NKX3-2: variants seen among roughly 807,000 people sequenced by gnomAD.
The protein encoded by NKX3-2 is homeobox protein Nkx-3.2.
In NKX3-2, 13 loss-of-function variants were observed where a neutral mutation model predicts 19.4. The ratio of observed to expected loss-of-function variants is 0.67; its 90% CI spans 0.44 to 1.07. The LOEUF (loss-of-function observed/expected upper bound fraction) is 1.07. Among genes scored for constraint, NKX3-2 ranks in the 50% least tolerant of loss-of-function variants. The pLI is 0.00. For synonymous variants in NKX3-2, 269 were observed against 230.5 expected (o/e 1.17, Z -1.51); for missense variants, 562 against 488.2 (o/e 1.15, Z -1.42).
rs760235144 is a variant in NKX3-2 at position 13,544,083 on chromosome 4, C to G, written c.332G>C (p.Arg111Pro). 2 of 1,583,274 alleles carry G rather than the reference C, an allele frequency of 1.3e-6. No homozygotes were observed. Among genetic ancestry groups the G allele is most frequent in the East Asian group, 2.3e-5 (1 of 43,000 alleles). The change falls in exon 1 of 2, where the codon CGG (arginine) becomes CCG (proline). Residue 111 changes from arginine (R) to proline (P), a missense_variant. Transcript: ENST00000382438. The stretch of plus-strand genomic sequence containing the variant: ...CGCAAGGCCGGCCCCGCTGGCCCCC[C>G]GCGCGTCCGCGCAGCGCCGCCTGCT... Reference protein sequence around the residue: ...NESRRRCADARGASGAGLAGG... With the variant: ...NESRRRCADAPGASGAGLAGG...
rs528913823 is a variant in NKX3-2 at position 13,544,099 on chromosome 4, G to T, written c.316C>A (p.Arg106Ser). The T allele has an allele frequency of 6.3e-6, 10 of 1,592,464 alleles. No individual in the cohort carries two copies. The East Asian group carries it at 2.1e-4, about 33-fold the overall frequency. ...CTGGCCCCCCGCGCGTCCGCGCAGC[G>T]CCGCCTGCTCTCGTTCTCCTCGCTG... ...ALSEENESRRRCADARGASGA... is the reference protein window; with the variant it reads ...ALSEENESRRSCADARGASGA... The change falls in exon 1 of 2, where the codon CGC becomes AGC. Residue 106 changes from arginine to serine, a missense_variant. By Grantham distance (110) the Arg-to-Ser change is moderately radical. Transcript: ENST00000382438.
At chr4:13,544,940 G>T (rs1424969719), upstream of NKX3-2, 1 of 152,174 alleles carries the variant, frequency 6.6e-6, no homozygotes, top group African/African-American at 2.4e-5. Context: ...AGCCGCGGCC[G>T]CGGCCGCTGG....
upstream of NKX3-2, chr4:13,544,760 C>T: frequency 5.8e-6 from 1 of 171,640 alleles, no homozygotes; most frequent in Non-Finnish European, 1.2e-5. Flanking sequence ...TTGGCGGGGG[C>T]CCCTCCGTGG....
At position 13,543,986 on chromosome 4, in the gene NKX3-2, C is replaced by T. The variant is rs10032202; in HGVS notation, c.429G>A (p.Ala143=). ...CGGACATCTCGCTGTCGCTCCGGCCCGCGGCTTCCTCCTCTAGGTCTTTGG... is the reference window on the plus strand; with the variant it reads ...CGGACATCTCGCTGTCGCTCCGGCCTGCGGCTTCCTCCTCTAGGTCTTTGG... ...AASKDLEEEA[A]GRSDSEMSAS... Residue 143 remains alanine, a synonymous_variant, in exon 1 of 2, where the codon GCG becomes GCA. Coordinates refer to ENST00000382438, the MANE Select transcript of NKX3-2 (RefSeq NM_001189.4). The surrounding 1 kb of genome is among the most constrained non-coding windows in gnomAD (Gnocchi z 7.1). The T allele has an allele frequency of 7.3e-3, 11,361 of 1,563,438 alleles. 506 individuals are homozygous for T. The African/African-American group carries it at 0.12, about 16-fold the overall frequency.
chr4:13,547,345 G>A (rs1423663821), upstream of NKX3-2: 14 of 425,628 alleles, frequency 3.3e-5, no homozygotes, highest in Non-Finnish European at 5.2e-5. Context: ...GGGCTCAGCT[G>A]TGAGCTCCAG....
chr4:13,543,440 T>C lies in NKX3-2; in HGVS notation c.466+509A>G, dbSNP rs999848128. On this transcript the variant is annotated intron_variant, in intron 1 of 1. Coordinates refer to ENST00000382438, the MANE Select transcript of NKX3-2 (RefSeq NM_001189.4). The surrounding 1 kb of genome is among the most constrained non-coding windows in gnomAD (Gnocchi z 7.1). ...CAAACCAGCCCTTTCCCCAAAGCTC[T>C]AGTTCTGCAGATTCTCAGCTCTGGC... Among the ~76,000 whole-genome samples, 3 of 152,196 alleles carry C rather than the reference T, an allele frequency of 2.0e-5. No individual in the cohort carries two copies. The highest frequency in any genetic ancestry group is 7.2e-5 in the African/African-American group (3 of 41,454).
chr4:13,542,189 T>C lies in NKX3-2; in HGVS notation c.806A>G (p.Asp269Gly), dbSNP rs1219212535. Residue 269 changes from aspartate (D) to glycine (G), a missense_variant, in exon 2 of 2, where the codon GAC (aspartate) becomes GGC (glycine). Asp to Gly is a moderately conservative substitution (Grantham distance 94). Transcript: ENST00000382438. The surrounding 1 kb of genome is among the most constrained non-coding windows in gnomAD (Gnocchi z 6.4). ...YKTKRRQMAADLLASAPAAKK... is the reference protein window; with the variant it reads ...YKTKRRQMAAGLLASAPAAKK... ...GGCGGCGGGCGCCGAGGCCAGCAGGTCGGCTGCCATCTGCCGGCGCTTTGT... is the reference window on the plus strand; with the variant it reads ...GGCGGCGGGCGCCGAGGCCAGCAGGCCGGCTGCCATCTGCCGGCGCTTTGT... 2 of 1,608,800 alleles carry C rather than the reference T, an allele frequency of 1.2e-6. No homozygotes were observed. Among genetic ancestry groups the C allele is most frequent in the Admixed American group, 3.4e-5 (2 of 59,408 alleles).
chr4:13,544,666 T>G (rs1718084255), upstream of NKX3-2: 2 of 278,420 alleles, frequency 7.2e-6, no homozygotes, highest in Non-Finnish European at 1.3e-5. Context: ...ACGCTCTCCT[T>G]TCGCAGCTCA....
Position 13,541,968 on chromosome 4 carries a change from A to T in NKX3-2, c.*25T>A. The T allele has an allele frequency of 6.4e-7, 1 of 1,561,610 alleles. No homozygotes were observed. Among genetic ancestry groups the T allele is most frequent in the Non-Finnish European group, 8.7e-7 (1 of 1,153,622 alleles). On this transcript the variant is annotated 3_prime_UTR_variant, in exon 2 of 2. Coordinates refer to ENST00000382438, the MANE Select transcript of NKX3-2 (RefSeq NM_001189.4). ...GGTCCGGAGCCGGAGCGCGGGAATC[A>T]CTCGCTGCCTCAGCCCAAGCGGGTT...
Position 13,542,127 on chromosome 4 carries a change from G to C in NKX3-2, c.868C>G (p.Gln290Glu). The C allele has an allele frequency of 6.2e-7, 1 of 1,611,498 alleles. No individual in the cohort carries two copies. The highest frequency in any genetic ancestry group is 8.5e-7 in the Non-Finnish European group (1 of 1,178,446). ...ACTTCGCCGGGCAGGTATTGTCTCT[G>C]GTCGTCGCGCACCAGCACCTTTACG... Reference protein sequence around the residue: ...VAVKVLVRDDQRQYLPGEVLR... With the variant: ...VAVKVLVRDDERQYLPGEVLR... The change falls in exon 2 of 2, where the codon CAG becomes GAG. Residue 290 changes from glutamine (Q) to glutamate (E), a missense_variant. Transcript: ENST00000382438. This position sits in a 1 kb window ranked among gnomAD's most constrained non-coding sequence, Gnocchi z 6.4.
chr4:13,543,814 C>A lies in NKX3-2; in HGVS notation c.466+135G>T. The A allele has an allele frequency of 2.5e-6, 2 of 799,762 alleles. No individual in the cohort carries two copies. Among genetic ancestry groups the A allele is most frequent in the Non-Finnish European group, 3.7e-6 (2 of 534,026 alleles). The allele number at this position is 799,762 out of a possible 1,614,324, so 49.5% of individuals were successfully genotyped here. On this transcript the variant is annotated intron_variant, in intron 1 of 1. Transcript: ENST00000382438. This position sits in a 1 kb window ranked among gnomAD's most constrained non-coding sequence, Gnocchi z 7.1. ...AGTGATAGAGCAGCTCGCGCCAGAG[C>A]GCAGAACTTCGGGATTTGGCCAGCC...
chr4:13,542,595 C>T lies in NKX3-2; in HGVS notation c.467-67G>A, dbSNP rs963262217. ...CCACAGACGAGGTGAGGCCGGGCCT[C>T]AACTGCAGGGGTCACGGGAGTGGGG... On this transcript the variant is annotated intron_variant, in intron 1 of 1. Transcript: ENST00000382438. The surrounding 1 kb of genome is among the most constrained non-coding windows in gnomAD (Gnocchi z 6.4). 1.3e-5 allele frequency: 21 copies of T among 1,573,152 alleles called. No individual in the cohort carries two copies. The highest frequency in any genetic ancestry group is 1.8e-5 in the Non-Finnish European group (21 of 1,158,996).
upstream of NKX3-2, among the ~76,000 whole-genome samples, chr4:13,545,502 T>C (rs1560166292): frequency 1.3e-5 from 2 of 152,250 alleles, no homozygotes; most frequent in African/African-American, 4.8e-5. Flanking sequence ...CTAATGCTCT[T>C]TGCTGAAATG....
At chr4:13,544,733 G>A (rs1039608077), upstream of NKX3-2, 8 of 187,654 alleles carry the variant, frequency 4.3e-5, no homozygotes, top group African/African-American at 1.9e-4. Context: ...TGCCCCCTCG[G>A]GGGACGTGAA....
rs1459208311 is a variant in NKX3-2, at chr4:13,541,917, G to C, written c.*76C>G. On this transcript the variant is annotated 3_prime_UTR_variant, in exon 2 of 2. Coordinates refer to ENST00000382438, the MANE Select transcript of NKX3-2 (RefSeq NM_001189.4). ...CCTCCTTGGCGGGGCGCCCCGTGCA[G>C]GCTACAGCCTACAGCTGTCAGCGCC... 6.5e-7 allele frequency: 1 copy of C among 1,541,434 alleles called. No individual in the cohort carries two copies. Among genetic ancestry groups the C allele is most frequent in the African/African-American group, 1.4e-5 (1 of 72,896 alleles).
chr4:13,544,445 CG>C lies in NKX3-2; in HGVS notation c.-32del, dbSNP rs1718076497. On this transcript the variant is annotated 5_prime_UTR_variant, in exon 1 of 2. Transcript: ENST00000382438. ...CCGCGGGCAGGAGCGGCCGGCGGGG[CG>C]GGCAGCTGGGGCGCCGAGCAGCTCC... 6.9e-7 allele frequency: 1 copy of C among 1,450,760 alleles called. No individual in the cohort carries two copies. Among genetic ancestry groups the C allele is most frequent in the Non-Finnish European group, 9.0e-7 (1 of 1,106,368 alleles). The allele number at this position is 1,450,760 out of a possible 1,614,324, so 89.9% of individuals were successfully genotyped here. A position where few individuals can be genotyped will look rare whatever the true frequency, so the allele number is the denominator to read the frequency against.
In NKX3-2 at chr4:13,541,849, G is replaced by A. The variant is rs1177306511; in HGVS notation, c.*144C>T. 3.0e-6 allele frequency: 4 copies of A among 1,312,120 alleles called. No individual in the cohort carries two copies. The highest frequency in any genetic ancestry group is 1.5e-5 in the African/African-American group (1 of 68,154). The allele number at this position is 1,312,120 out of a possible 1,614,324, so 81.3% of individuals were successfully genotyped here. ...ACTCAGCCCAGCTGCCAGGGGACAA[G>A]TCCTGGCTAACGGGAGCTGGAGCTG... is the stretch of plus-strand genomic sequence containing the variant. On this transcript the variant is annotated 3_prime_UTR_variant, in exon 2 of 2. Coordinates refer to ENST00000382438, the MANE Select transcript of NKX3-2 (RefSeq NM_001189.4).
At chr4:13,544,613 C>G, upstream of NKX3-2, 1 of 322,214 alleles carries the variant, frequency 3.1e-6, no homozygotes, top group Non-Finnish European at 5.6e-6. Context: ...ACCTTAGAGG[C>G]CCACCCCGCC....
Position 13,542,649 on chromosome 4 carries a change from G to C in NKX3-2, c.467-121C>G. The C allele has an allele frequency of 2.2e-6, 3 of 1,339,078 alleles. No individual in the cohort carries two copies. Among genetic ancestry groups the C allele is most frequent in the South Asian group, 1.2e-5 (1 of 82,828 alleles). The allele number at this position is 1,339,078 out of a possible 1,614,324, so 82.9% of individuals were successfully genotyped here. On this transcript the variant is annotated intron_variant, in intron 1 of 1. Transcript: ENST00000382438. The surrounding 1 kb of genome is among the most constrained non-coding windows in gnomAD (Gnocchi z 6.4). ...AAATACACTTTGATCCCACTCAAGC[G>C]GAGCGGAGGTCTGGGAGGCCCTGGG...
Sources: allele counts gnomAD v4.1 joint callset (sites outside exome capture counted in the v4.1 genomes callset), GRCh38; gene constraint gnomAD v4.1.1; non-coding constraint Gnocchi (gnomAD v3.1); transcripts MANE v1.5; gene names NCBI Gene and HGNC (gene_info 2026-07-23, HGNC 2026-07-21).